Variants in ZBTB16 observed in about 807,000 individuals in gnomAD.
ZBTB16 encodes the protein zinc finger and BTB domain containing 16.
ZBTB16 carries 8 observed loss-of-function variants against 56.8 expected under a neutral mutation model. The ratio of observed to expected loss-of-function variants is 0.14; its 90% CI spans 0.08 to 0.25. The LOEUF (loss-of-function observed/expected upper bound fraction) is 0.25, where lower values mean the gene tolerates loss of function less well. Ranked by LOEUF, ZBTB16 falls within the 10% of genes least tolerant of loss-of-function variation. The pLI, the probability that ZBTB16 is intolerant of heterozygous loss-of-function variation, is 1.00. For missense variants in ZBTB16, 625 were observed against 903.0 expected (o/e 0.69, Z 3.95); for synonymous variants, 363 against 368.5 (o/e 0.98, Z 0.17).
At chr11:114,125,330 AT>A (rs1005739282) in intron 2 of ZBTB16, among the ~76,000 whole-genome samples, 8 of 152,252 alleles carry the variant, frequency 5.3e-5, no homozygotes, top group Admixed American at 2.0e-4. Flanking sequence ...GAGTTTACTG[AT>A]TTTTAATAGT....
At chr11:114,192,133 C>T (rs1943509527) in intron 4 of ZBTB16, among the ~76,000 whole-genome samples, 1 of 152,134 alleles carries the variant, frequency 6.6e-6, no homozygotes, top group Non-Finnish European at 1.5e-5. Context: ...CTCGACTGGG[C>T]TGGATGTCCA....
At chr11:114,133,352 C>A (rs1941716119) in intron 2 of ZBTB16, among the ~76,000 whole-genome samples, 1 of 152,086 alleles carries the variant, frequency 6.6e-6, no homozygotes, top group Admixed American at 6.5e-5. Flanking sequence ...TGGCAGAGTG[C>A]CCACTGGATC....
chr11:114,126,994 T>G (rs1941526304), intron 2 of ZBTB16, among the ~76,000 whole-genome samples: 1 of 152,170 alleles, frequency 6.6e-6, no homozygotes, highest in Non-Finnish European at 1.5e-5. Context: ...GACCTTGTCC[T>G]TTCTTCTTTC....
intron 2 of ZBTB16, among the ~76,000 whole-genome samples, chr11:114,091,401 C>G (rs1029709930): frequency 6.6e-6 from 1 of 152,016 alleles, no homozygotes; most frequent in African/African-American, 2.4e-5. Flanking sequence ...TTCCCTTCCT[C>G]TCCTCCACCC....
intron 2 of ZBTB16, among the ~76,000 whole-genome samples, chr11:114,105,864 A>G (rs1214392352): frequency 6.6e-6 from 1 of 152,240 alleles, no homozygotes; most frequent in Admixed American, 6.5e-5. Context: ...ATGTTAATAC[A>G]GAGGGATTGG....
At chr11:114,121,264 T>C (rs1359811846) in intron 2 of ZBTB16, among the ~76,000 whole-genome samples, 1 of 152,174 alleles carries the variant, frequency 6.6e-6, no homozygotes, top group Admixed American at 6.5e-5. Flanking sequence ...GCTGGTGTGG[T>C]CACTGAAGGC....
Position 114,250,001 on chromosome 11 carries a change from A to G in ZBTB16, c.1793-325A>G, listed in dbSNP as rs1447539467. Among the ~76,000 whole-genome samples, 1 of 152,170 alleles carries G rather than the reference A, an allele frequency of 6.6e-6. No individual in the cohort carries two copies. Among genetic ancestry groups the G allele is most frequent in the Non-Finnish European group, 1.5e-5 (1 of 68,038 alleles). On this transcript the variant is annotated intron_variant, in intron 6 of 6. Transcript: ENST00000335953. The surrounding 1 kb of genome is among the most constrained non-coding windows in gnomAD (Gnocchi z 6.0). ...ACCCATTTTCTTAATTAGAAAGGGA[A>G]AAGACTGTGGCCTTGGGAGAGTTAA...
chr11:114,188,457 A>C lies in ZBTB16; in HGVS notation c.1453+1419A>C, dbSNP rs967314733. On this transcript the variant is annotated intron_variant, in intron 4 of 6. Coordinates refer to ENST00000335953, the MANE Select transcript of ZBTB16 (RefSeq NM_006006.6). ...TAAACTCTCTTAATTTAGATTTCTC[A>C]TCTGTTAGAAAAGTGGAGTAATATT... 5.9e-5 allele frequency: 9 copies of C among 152,340 alleles called. No individual in the cohort carries two copies. The East Asian group carries it at 1.7e-3, about 29-fold the overall frequency. The allele number at this position is 152,340 out of a possible 1,614,324, so 9.4% of individuals were successfully genotyped here. A position where few individuals can be genotyped will look rare whatever the true frequency, so the allele number is the denominator to read the frequency against.
At chr11:114,069,749 A>G (rs1939259572) in intron 2 of ZBTB16, among the ~76,000 whole-genome samples, 1 of 152,242 alleles carries the variant, frequency 6.6e-6, no homozygotes, top group Non-Finnish European at 1.5e-5. Flanking sequence ...AATGATAGCC[A>G]CAGCAATGAT....
chr11:114,199,036 G>T (rs1279690084), intron 4 of ZBTB16, among the ~76,000 whole-genome samples: 2 of 152,248 alleles, frequency 1.3e-5, no homozygotes, highest in Non-Finnish European at 2.9e-5. Flanking sequence ...ATTAGAAAGG[G>T]CTGAAGCTCA....
intron 4 of ZBTB16, chr11:114,209,562 T>C: frequency 2.0e-6 from 2 of 985,386 alleles, no homozygotes; most frequent in Non-Finnish European, 2.4e-6. Flanking sequence ...AGCAGCAGGT[T>C]GTTGACACTT....
rs149102686 is a variant in ZBTB16, at chr11:114,210,987, G to A, written c.1453+23949G>A. The A allele has an allele frequency of 2.3e-3, 416 of 177,890 alleles. 15 individuals are homozygous for A. In the East Asian group the frequency reaches 0.038, roughly 16 times the overall value. 11.0% of individuals were successfully genotyped at this position (177,890 alleles called of 1,614,324 possible). A position where few individuals can be genotyped will look rare whatever the true frequency, so the allele number is the denominator to read the frequency against. On this transcript the variant is annotated intron_variant, in intron 4 of 6. Coordinates refer to ENST00000335953, the MANE Select transcript of ZBTB16 (RefSeq NM_006006.6). ...GGCTGGAGTGCAGTGTCTTGATCTCGGCTCACTGCAACCTCCGCCTCCTGG... is the reference window on the plus strand; with the variant it reads ...GGCTGGAGTGCAGTGTCTTGATCTCAGCTCACTGCAACCTCCGCCTCCTGG...
Position 114,254,299 on chromosome 11 carries a change from G to C in ZBTB16, c.*3744G>C, listed in dbSNP as rs1173921920. ...AAGGCAGATCTGGGGTGCAGGGGTA[G>C]GTAGGGAGGCTGGGGGACCCAGTGA... On this transcript the variant is annotated 3_prime_UTR_variant, in exon 7 of 7. Coordinates refer to ENST00000335953, the MANE Select transcript of ZBTB16 (RefSeq NM_006006.6). Among the ~76,000 whole-genome samples, 1 of 152,168 alleles carries C rather than the reference G, an allele frequency of 6.6e-6. No homozygotes were observed. The highest frequency in any genetic ancestry group is 1.5e-5 in the Non-Finnish European group (1 of 68,030).
At chr11:114,235,706 T>TTTCTTTCTA (rs1944567514) in intron 4 of ZBTB16, among the ~76,000 whole-genome samples, 2 of 137,324 alleles carry the variant, frequency 1.5e-5, no homozygotes, top group African/African-American at 2.8e-5. Context: ...TTTCTTTCTT[T>TTTCTTTCTA]TCTTTCTTTC....
Position 114,230,622 on chromosome 11 carries a change from C to T in ZBTB16, c.1454-11545C>T, listed in dbSNP as rs530343150. ...ATTTAAATGCTGCTTAATTTGTAAT[C>T]ATCTTCTGTGGGGGGGGGGCGGGAA... On this transcript the variant is annotated intron_variant, in intron 4 of 6. Transcript: ENST00000335953. 9.3e-3 allele frequency among the ~76,000 whole-genome samples: 372 copies of T among 40,000 alleles called. 3 individuals are homozygous for T. Among genetic ancestry groups the T allele is most frequent in the African/African-American group, 0.034 (351 of 10,238 alleles). The allele number at this position is 40,000 out of a possible 152,430, so 26.2% of individuals were successfully genotyped here.
intron 2 of ZBTB16, among the ~76,000 whole-genome samples, chr11:114,084,956 A>G (rs1672713): frequency 0.18 from 27,272 of 152,068 alleles, 2,548 homozygotes; most frequent in Middle Eastern, 0.3. Context: ...GGCATGTTCA[A>G]TGATTGAGGA....
intron 2 of ZBTB16, among the ~76,000 whole-genome samples, chr11:114,075,578 T>TC (rs1939526959): frequency 6.6e-6 from 1 of 151,206 alleles, no homozygotes; most frequent in Non-Finnish European, 1.5e-5. Context: ...TGCCTCAGCC[T>TC]CCCAAGTACC....
At chr11:114,226,252 C>A (rs1197247675) in intron 4 of ZBTB16, among the ~76,000 whole-genome samples, 1 of 152,164 alleles carries the variant, frequency 6.6e-6, no homozygotes, top group Non-Finnish European at 1.5e-5. Context: ...AAATAAAGCA[C>A]CACCACCCAA....
At chr11:114,192,143 A>C (rs1943509948) in intron 4 of ZBTB16, among the ~76,000 whole-genome samples, 1 of 152,218 alleles carries the variant, frequency 6.6e-6, no homozygotes, top group South Asian at 2.1e-4. Flanking sequence ...CTGGATGTCC[A>C]AGATGGCTCC....
Sources: allele counts gnomAD v4.1 joint callset (sites outside exome capture counted in the v4.1 genomes callset), GRCh38; gene constraint gnomAD v4.1.1; non-coding constraint Gnocchi (gnomAD v3.1); transcripts MANE v1.5; gene names NCBI Gene and HGNC (gene_info 2026-07-23, HGNC 2026-07-21).